The following EML1 variants were observed in gnomAD, a reference collection of about 807,000 sequenced individuals.
EML1 encodes the protein EMAP like 1.
EML1 carries 27 observed loss-of-function variants against 110.4 expected under a neutral mutation model. The ratio of observed to expected loss-of-function variants is 0.24; its 90% CI spans 0.18 to 0.34. The LOEUF (loss-of-function observed/expected upper bound fraction) is 0.34. Among genes scored for constraint, EML1 ranks in the 10% least tolerant of loss-of-function variants. The pLI is 1.00. For missense variants in EML1, 741 were observed against 1,030.9 expected, an observed-to-expected ratio of 0.72 and a Z score of 3.85; for synonymous variants, 344 against 385.8, an observed-to-expected ratio of 0.89 and a Z score of 1.27.
upstream of EML1, among the ~76,000 whole-genome samples, chr14:99,772,483 G>T (rs780481890): frequency 6.6e-6 from 1 of 152,216 alleles, no homozygotes; most frequent in Non-Finnish European, 1.5e-5. Flanking sequence ...AAAGAGGGCT[G>T]CCCTGAAGAC....
At chr14:99,858,186 T>C (rs74509910) in intron 2 of EML1, among the ~76,000 whole-genome samples, 1 of 134,770 alleles carries the variant, frequency 7.4e-6, no homozygotes, top group African/African-American at 2.9e-5. Context: ...TCCTCATTCC[T>C]TTTTTTTTTT....
intron 1 of EML1, among the ~76,000 whole-genome samples, chr14:99,783,404 G>A (rs2057563917): frequency 6.6e-6 from 1 of 151,616 alleles, no homozygotes; most frequent in Non-Finnish European, 1.5e-5. Flanking sequence ...ATGGACATTT[G>A]GGTTGGTTCT....
rs2139884190 is a variant in EML1 at position 99,865,581 on chromosome 14, A to C, written c.318A>C (p.Lys106Asn). ...ACAATGGCACTGTGTTACCAAAGAA[A>C]CCTACTGGCTCTCTACCATCCCCCT... The part of the protein sequence containing the change: ...TVNNGTVLPK[K>N]PTGSLPSPSG... The change falls in exon 3 of 22, where the codon AAA becomes AAC. Residue 106 changes from lysine to asparagine, a missense_variant. By Grantham distance (94) the Lys-to-Asn change is moderately conservative (BLOSUM62 0). This residue lies in a region of EML1 where 226 missense variants were observed against 255.6 expected (regional missense o/e 0.88). Transcript: ENST00000262233. 1 of 1,614,220 alleles carries C rather than the reference A, an allele frequency of 6.2e-7. No individual in the cohort carries two copies. The highest frequency in any genetic ancestry group is 2.2e-5 in the East Asian group (1 of 44,892).
upstream of EML1, among the ~76,000 whole-genome samples, chr14:99,790,865 C>CTTTTTTTTTTTTTTTTT (rs763959981): frequency 4.0e-3 from 551 of 138,370 alleles, 10 homozygotes; most frequent in Non-Finnish European, 5.2e-3. Context: ...TTTTTCTTTT[C>CTTTTTTTTTTTTTTTTT]CTTTTTTTTT....
chr14:99,863,944 C>T (rs953685708), intron 2 of EML1, among the ~76,000 whole-genome samples: 1 of 152,244 alleles, frequency 6.6e-6, no homozygotes, highest in Non-Finnish European at 1.5e-5. Flanking sequence ...ATTTTTCATT[C>T]CCACCAGCAA....
In EML1 at chr14:99,878,413, T is replaced by C. The variant is rs184713679; in HGVS notation, c.384-72T>C. 1.6e-5 allele frequency: 25 copies of C among 1,532,520 alleles called. 1 individual carries two copies. The East Asian group carries it at 5.4e-4, about 33-fold the overall frequency. The allele number at this position is 1,532,520 out of a possible 1,614,324, so 94.9% of individuals were successfully genotyped here. A position where few individuals can be genotyped will look rare whatever the true frequency, so the allele number is the denominator to read the frequency against. ...GTGGAAGTATGACGTTCTATGTATA[T>C]ATTTGTATGCTTAGCAATAAAATAA... On this transcript the variant is annotated intron_variant, in intron 3 of 21. Transcript: ENST00000262233.
chr14:99,896,740 AT>A (rs59854121), intron 6 of EML1, among the ~76,000 whole-genome samples: 411 of 147,432 alleles, frequency 2.8e-3, no homozygotes, highest in South Asian at 0.016. Flanking sequence ...GAGGGGCCTG[AT>A]TTTTTTTTTT....
At chr14:99,765,452 A>C (rs984784082) in intron 1 of EML1, among the ~76,000 whole-genome samples, 1 of 152,100 alleles carries the variant, frequency 6.6e-6, no homozygotes, top group South Asian at 2.1e-4. Context: ...CTCTAGGTAC[A>C]TCATGTGAGT....
At chr14:99,808,238 G>A (rs922620770) in intron 1 of EML1, among the ~76,000 whole-genome samples, 10 of 152,106 alleles carry the variant, frequency 6.6e-5, no homozygotes, top group African/African-American at 1.7e-4. Context: ...TTTTTCTTTC[G>A]TTTGCTTCTT....
intron 1 of EML1, among the ~76,000 whole-genome samples, chr14:99,838,205 A>C (rs907191248): frequency 6.6e-6 from 1 of 152,236 alleles, no homozygotes; most frequent in Non-Finnish European, 1.5e-5. Flanking sequence ...GAAGACAACT[A>C]AATTTTTGGA....
chr14:99,822,233 C>A (rs2058276117), intron 1 of EML1, among the ~76,000 whole-genome samples: 1 of 152,116 alleles, frequency 6.6e-6, no homozygotes, highest in African/African-American at 2.4e-5. Context: ...GAGACCATAG[C>A]TCCATCGTTA....
chr14:99,876,872 A>G (rs1840571778), intron 3 of EML1, among the ~76,000 whole-genome samples: 1 of 152,144 alleles, frequency 6.6e-6, no homozygotes, highest in African/African-American at 2.4e-5. Context: ...TCATCCTTTC[A>G]TTTAATAAAT....
Position 99,914,267 on chromosome 14 carries a change from A to G in EML1, c.1583A>G (p.Gln528Arg). The G allele has an allele frequency of 6.2e-7, 1 of 1,613,966 alleles. No individual in the cohort carries two copies. The highest frequency in any genetic ancestry group is 1.1e-5 in the South Asian group (1 of 91,080). Residue 528 changes from glutamine (Q) to arginine (R), a missense_variant, in exon 14 of 22, where the codon CAG becomes CGG. Physicochemically the swap from Gln to Arg is conservative, Grantham distance 43. Around this residue, in one of 4 missense-constraint regions of EML1, gnomAD observed 388 missense variants for 605.6 expected, o/e 0.64. Transcript: ENST00000262233. Reference protein sequence around the residue: ...LIGTTRNFVLQGTLSGDFTPI... With the variant: ...LIGTTRNFVLRGTLSGDFTPI... ...GGCACAACTCGAAACTTTGTCCTGC[A>G]GGGCACTCTGTCAGGGGACTTCACA...
chr14:99,835,958 G>T (rs771098961), intron 1 of EML1, among the ~76,000 whole-genome samples: 1 of 152,160 alleles, frequency 6.6e-6, no homozygotes, highest in African/African-American at 2.4e-5. Flanking sequence ...CTTAAAGTCA[G>T]GTAGTGTCAG....
chr14:99,755,280 G>T (rs907261075), intron 1 of EML1, among the ~76,000 whole-genome samples: 1 of 152,216 alleles, frequency 6.6e-6, no homozygotes, highest in South Asian at 2.1e-4. Flanking sequence ...AGCCTTGGGG[G>T]CCTGGAGGCC....
At chr14:99,935,781 C>CAAAAAAAAAAAAAAAAAAAAA (rs1160100015) in intron 17 of EML1, among the ~76,000 whole-genome samples, 10 of 83,708 alleles carry the variant, frequency 1.2e-4, no homozygotes, top group African/African-American at 3.4e-4. Context: ...GACTCCGTCT[C>CAAAAAAAAAAAAAAAAAAAAA]AAAAAAAAAA....
intron 20 of EML1, among the ~76,000 whole-genome samples, chr14:99,938,871 A>G (rs937079171): frequency 6.6e-6 from 1 of 152,142 alleles, no homozygotes; most frequent in Non-Finnish European, 1.5e-5. Context: ...GATCAAGGAG[A>G]GGTGTCACTT....
At chr14:99,804,272 A>G (rs551328047) in intron 1 of EML1, among the ~76,000 whole-genome samples, 29 of 152,340 alleles carry the variant, frequency 1.9e-4, no homozygotes, top group Admixed American at 1.5e-3. Context: ...TGCTGTTAGA[A>G]GGTGGGGTCC....
chr14:99,747,324 G>A (rs2057122683), intron 1 of EML1, among the ~76,000 whole-genome samples: 1 of 152,118 alleles, frequency 6.6e-6, no homozygotes, highest in South Asian at 2.1e-4. Flanking sequence ...CTGGACCAAG[G>A]GACCAGCCTC....
Sources: gnomAD v4.1 joint callset for allele counts (sites outside exome capture counted in the v4.1 genomes callset) on GRCh38, gnomAD v4.1.1 for gene constraint, gnomAD v4.1.1 regional missense constraint, MANE v1.5 for transcripts, NCBI Gene and HGNC (gene_info 2026-07-23, HGNC 2026-07-21) for gene names.